The following OTUD7A variants were observed in gnomAD, a reference collection of about 807,000 sequenced individuals.
OTUD7A encodes the protein OTU deubiquitinase 7A.
Under a neutral mutation model 65.7 loss-of-function variants are expected in OTUD7A, and 12 were observed. The observed-to-expected ratio is 0.18, with a 90% CI of 0.12 to 0.30. The LOEUF is 0.30. Ranked by LOEUF, OTUD7A falls within the 10% of genes least tolerant of loss-of-function variation. OTUD7A has a pLI of 1.00. For synonymous variants in OTUD7A, 641 were observed against 586.3 expected, an observed-to-expected ratio of 1.09 and a Z score of -1.35; for missense variants, 1,148 against 1,304.8, an observed-to-expected ratio of 0.88 and a Z score of 1.85.
At chr15:31,804,956 T>C (rs978141613) in intron 1 of OTUD7A, among the ~76,000 whole-genome samples, 3 of 152,202 alleles carry the variant, frequency 2.0e-5, no homozygotes, top group Non-Finnish European at 2.9e-5. Flanking sequence ...AATAACATCA[T>C]AATTGTCCCA....
chr15:31,634,901 G>A (rs1397563897), intron 3 of OTUD7A, among the ~76,000 whole-genome samples: 1 of 152,210 alleles, frequency 6.6e-6, no homozygotes, highest in East Asian at 1.9e-4. Context: ...CTTTCCTCAA[G>A]GTTGGGACCC....
intron 5 of OTUD7A, among the ~76,000 whole-genome samples, chr15:31,553,978 C>T (rs1232522611): frequency 6.6e-6 from 1 of 152,186 alleles, no homozygotes; most frequent in African/African-American, 2.4e-5. Context: ...AAGGACGAGG[C>T]TCCCTAGCGC....
chr15:31,725,891 C>A (rs1273211473), intron 1 of OTUD7A, among the ~76,000 whole-genome samples: 1 of 152,086 alleles, frequency 6.6e-6, no homozygotes, highest in Non-Finnish European at 1.5e-5. Context: ...AGAAAATAAA[C>A]CTTTGTGGTT....
intron 1 of OTUD7A, among the ~76,000 whole-genome samples, chr15:31,679,034 G>A (rs1013958589): frequency 2.0e-5 from 3 of 152,240 alleles, no homozygotes; most frequent in Admixed American, 2.0e-4. Context: ...CCATCAGCAT[G>A]ACCTGGATGT....
chr15:31,539,224 G>A (rs1432389423), intron 5 of OTUD7A, among the ~76,000 whole-genome samples: 1 of 151,996 alleles, frequency 6.6e-6, no homozygotes, highest in Non-Finnish European at 1.5e-5. Context: ...CCTTTCCCTT[G>A]AGCTTTCTCT....
chr15:31,839,502 G>C (rs1897133671), intron 1 of OTUD7A, among the ~76,000 whole-genome samples: 1 of 152,168 alleles, frequency 6.6e-6, no homozygotes, highest in South Asian at 2.1e-4. Flanking sequence ...CTAATTTGAG[G>C]TGGTAAAACA....
At chr15:31,792,975 C>T (rs561926388) in intron 1 of OTUD7A, among the ~76,000 whole-genome samples, 53 of 152,286 alleles carry the variant, frequency 3.5e-4, no homozygotes, top group African/African-American at 1.2e-3. Flanking sequence ...TCCTCACCGC[C>T]GGCCACGGGA....
chr15:31,833,545 A>AT (rs1387141000), intron 1 of OTUD7A, among the ~76,000 whole-genome samples: 1 of 152,216 alleles, frequency 6.6e-6, no homozygotes, highest in African/African-American at 2.4e-5. Context: ...TTTGCTTCCT[A>AT]TTGCATCAAA....
At chr15:31,690,434 T>A (rs1317525971) in intron 1 of OTUD7A, among the ~76,000 whole-genome samples, 1 of 152,056 alleles carries the variant, frequency 6.6e-6, no homozygotes, top group Admixed American at 6.5e-5. Flanking sequence ...AAGAACAGAA[T>A]CAATAGCCAA....
rs184075704 is a variant in OTUD7A, at chr15:31,601,880, T to C, written c.152-31683A>G. 2.6e-5 allele frequency among the ~76,000 whole-genome samples: 4 copies of C among 152,242 alleles called. No individual in the cohort carries two copies. The East Asian group carries it at 5.8e-4, about 22-fold the overall frequency. On this transcript the variant is annotated intron_variant, in intron 3 of 12. Coordinates refer to ENST00000307050, the MANE Select transcript of OTUD7A (RefSeq NM_001382637.1). ...AGAAACGGATAAATTCCTGGACATA[T>C]ACACCCTCCCAAGTCTAAGCCAGGA...
chr15:31,574,816 C>T (rs1195693722), intron 3 of OTUD7A, among the ~76,000 whole-genome samples: 1 of 152,138 alleles, frequency 6.6e-6, no homozygotes, highest in Non-Finnish European at 1.5e-5. Context: ...ATCCAAAGCC[C>T]AGACCCCTCA....
intron 3 of OTUD7A, among the ~76,000 whole-genome samples, chr15:31,597,092 T>C (rs1338126142): frequency 7.8e-6 from 1 of 128,664 alleles, no homozygotes; most frequent in East Asian, 2.1e-4. Flanking sequence ...ACCTGGCTAG[T>C]TTTTTTTCTT....
At chr15:31,730,153 G>A (rs1386089582) in intron 1 of OTUD7A, among the ~76,000 whole-genome samples, 2 of 152,142 alleles carry the variant, frequency 1.3e-5, no homozygotes, top group African/African-American at 4.8e-5. Context: ...GCAAGAAGGT[G>A]GTTGTCAGCA....
At chr15:31,604,864 G>A (rs1361535728) in intron 3 of OTUD7A, among the ~76,000 whole-genome samples, 1 of 152,144 alleles carries the variant, frequency 6.6e-6, no homozygotes, top group African/African-American at 2.4e-5. Flanking sequence ...TCTGTGCCCT[G>A]GAGTCCAGAC....
At chr15:31,734,542 G>A (rs1463598192) in intron 1 of OTUD7A, among the ~76,000 whole-genome samples, 1 of 152,088 alleles carries the variant, frequency 6.6e-6, no homozygotes, top group African/African-American at 2.4e-5. Context: ...GCATGGTACT[G>A]GTACAAAAAC....
chr15:31,633,944 T>G (rs1364250635), intron 3 of OTUD7A, among the ~76,000 whole-genome samples: 1 of 152,166 alleles, frequency 6.6e-6, no homozygotes, highest in African/African-American at 2.4e-5. Context: ...TTTTGTTGAG[T>G]GGCCTCCTCT....
intron 10 of OTUD7A, among the ~76,000 whole-genome samples, chr15:31,492,318 C>T (rs1298954904): frequency 6.6e-6 from 1 of 152,194 alleles, no homozygotes; most frequent in African/African-American, 2.4e-5. Context: ...GTGGCTCACA[C>T]CTGTAATTCC....
intron 5 of OTUD7A, among the ~76,000 whole-genome samples, chr15:31,555,075 C>T (rs1888446955): frequency 6.6e-6 from 1 of 152,100 alleles, no homozygotes; most frequent in African/African-American, 2.4e-5. Flanking sequence ...GACGGGGCTG[C>T]CTATGTGGCT....
chr15:31,548,713 C>T (rs1595601188), intron 5 of OTUD7A, among the ~76,000 whole-genome samples: 1 of 152,270 alleles, frequency 6.6e-6, no homozygotes, highest in East Asian at 1.9e-4. Flanking sequence ...AGCATAGTTG[C>T]CATAGTGCCC....
Sources: allele counts gnomAD v4.1 joint callset (sites outside exome capture counted in the v4.1 genomes callset), GRCh38; gene constraint gnomAD v4.1.1; transcripts MANE v1.5; gene names NCBI Gene and HGNC (gene_info 2026-07-23, HGNC 2026-07-21).